Variants in HSDL2 observed in about 807,000 individuals in gnomAD.
The protein encoded by HSDL2 is hydroxysteroid dehydrogenase-like protein 2.
Under a neutral mutation model 46.3 loss-of-function variants are expected in HSDL2, and 27 were observed. The ratio of observed to expected loss-of-function variants is 0.58; its 90% confidence interval spans 0.43 to 0.80. The LOEUF is 0.80. Ranked by LOEUF, HSDL2 falls within the 30% of genes least tolerant of loss-of-function variation. The pLI is 0.00. For synonymous variants in HSDL2, 153 were observed against 163.6 expected (o/e 0.94, Z 0.50); for missense variants, 451 against 502.7 (o/e 0.90, Z 0.98).
At chr9:112,404,386 G>A (rs77934522) in intron 2 of HSDL2, among the ~76,000 whole-genome samples, 79 of 152,116 alleles carry the variant, frequency 5.2e-4, no homozygotes, top group Non-Finnish European at 7.2e-4. Context: ...ATTTCATGGC[G>A]GGGCGTGGTG....
In HSDL2 at chr9:112,471,630, C is replaced by G. The variant is rs1833577487; in HGVS notation, c.*1086C>G. 1 of 152,220 alleles carries G rather than the reference C, an allele frequency of 6.6e-6. No individual in the cohort carries two copies. The allele number at this position is 152,220 out of a possible 1,614,324, so 9.4% of individuals were successfully genotyped here. On this transcript the variant is annotated 3_prime_UTR_variant, in exon 11 of 11. Coordinates refer to ENST00000398805, the MANE Select transcript of HSDL2 (RefSeq NM_032303.5). Reference sequence around the variant, plus strand: ...ATTGCTTGAGGCCAGGAGTTCAAGGCCAGCCTGGACAACATAGTAAGACCC... The same window carrying G: ...ATTGCTTGAGGCCAGGAGTTCAAGGGCAGCCTGGACAACATAGTAAGACCC...
chr9:112,398,362 G>A (rs948617310), intron 1 of HSDL2, among the ~76,000 whole-genome samples: 3 of 151,980 alleles, frequency 2.0e-5, no homozygotes, highest in African/African-American at 7.3e-5. Flanking sequence ...GGCTCCGGAA[G>A]CAAAGGCTGC....
At chr9:112,470,375 A>G in intron 10 of HSDL2, 57 bp from the exon 11 acceptor site, 1 of 1,008,202 alleles carries the variant, frequency 9.9e-7, no homozygotes. Flanking sequence ...TTCTTAAAGC[A>G]ATATATCCCT....
chr9:112,415,481 T>C (rs1251134844), intron 4 of HSDL2, among the ~76,000 whole-genome samples: 1 of 152,124 alleles, frequency 6.6e-6, no homozygotes, highest in East Asian at 1.9e-4. Context: ...TTTCCCAGGG[T>C]CACACAATGA....
At chr9:112,394,333 C>G (rs549016343) in intron 1 of HSDL2, among the ~76,000 whole-genome samples, 1 of 152,250 alleles carries the variant, frequency 6.6e-6, no homozygotes, top group South Asian at 2.1e-4. Context: ...CCCTTATCTT[C>G]TCATTTTAAG....
intron 8 of HSDL2, 51 bp downstream of exon 8, chr9:112,441,821 T>C: frequency 8.5e-7 from 1 of 1,175,690 alleles, no homozygotes; most frequent in Non-Finnish European, 1.3e-6. Context: ...CTAACTTATG[T>C]ATTTCTTCCA....
intron 9 of HSDL2, among the ~76,000 whole-genome samples, chr9:112,456,214 T>C (rs983065153): frequency 6.6e-6 from 1 of 152,210 alleles, no homozygotes; most frequent in East Asian, 1.9e-4. Flanking sequence ...CCAGTGACAA[T>C]AACAAACCAC....
intron 1 of HSDL2, among the ~76,000 whole-genome samples, chr9:112,399,092 T>G (rs1425887325): frequency 6.6e-6 from 1 of 152,090 alleles, no homozygotes; most frequent in Non-Finnish European, 1.5e-5. Flanking sequence ...ATGCCAGATA[T>G]TGGGGGAACC....
Position 112,406,540 on chromosome 9 carries a change from G to A in HSDL2, c.280+818G>A, listed in dbSNP as rs1052190437. On this transcript the variant is annotated intron_variant, in intron 3 of 10. Transcript: ENST00000398805. ...GGCTGGAGTGCAGTGGCGCAATCTCGGCTCACTGCAACCTCTGCCTCCTGG... is the reference window on the plus strand; with the variant it reads ...GGCTGGAGTGCAGTGGCGCAATCTCAGCTCACTGCAACCTCTGCCTCCTGG... 2.0e-5 allele frequency among the ~76,000 whole-genome samples: 3 copies of A among 151,530 alleles called. No individual in the cohort carries two copies. In the East Asian group the frequency reaches 5.8e-4, roughly 29 times the overall value.
chr9:112,447,133 A>G (rs980074320), intron 8 of HSDL2, among the ~76,000 whole-genome samples: 1 of 152,108 alleles, frequency 6.6e-6, no homozygotes, highest in African/African-American at 2.4e-5. Flanking sequence ...GCATTTTTAT[A>G]TTTATTCAGT....
intron 10 of HSDL2, among the ~76,000 whole-genome samples, chr9:112,461,117 C>T (rs1833198424): frequency 6.6e-6 from 1 of 151,128 alleles, no homozygotes; most frequent in Non-Finnish European, 1.5e-5. Flanking sequence ...GCTCTTGTTG[C>T]CCAGGCTGGA....
intron 8 of HSDL2, among the ~76,000 whole-genome samples, chr9:112,444,098 C>CT (rs1333481946): frequency 1.3e-5 from 2 of 152,180 alleles, no homozygotes; most frequent in African/African-American, 4.8e-5. Flanking sequence ...CTGTAGCTCT[C>CT]TTTTTTTGAT....
chr9:112,384,957 A>C (rs1831184923), intron 1 of HSDL2, among the ~76,000 whole-genome samples: 1 of 152,104 alleles, frequency 6.6e-6, no homozygotes, highest in South Asian at 2.1e-4. Context: ...CATAACTAAT[A>C]GTACAAGAGA....
chr9:112,380,567 T>C (rs957250255), intron 1 of HSDL2, among the ~76,000 whole-genome samples: 5 of 152,152 alleles, frequency 3.3e-5, no homozygotes, highest in Non-Finnish European at 7.3e-5. Context: ...TTTCACTTGT[T>C]CCTGACGCTC....
At chr9:112,469,561 G>C (rs1037333151) in intron 10 of HSDL2, among the ~76,000 whole-genome samples, 2 of 151,146 alleles carry the variant, frequency 1.3e-5, no homozygotes, top group Non-Finnish European at 2.9e-5. Context: ...TACTCAGGAG[G>C]CTGAGGTGGG....
chr9:112,454,165 A>C lies in HSDL2; in HGVS notation c.1015+3A>C. On this transcript the variant is annotated splice_donor_region_variant and intron_variant, in intron 9 of 10. Transcript: ENST00000398805. ...AATCTATCTGTTTGAACTCTCCGGT[A>C]AGGACTGCATCTGGTAATCTGAAGT... 6.2e-7 allele frequency: 1 copy of C among 1,606,964 alleles called. No homozygotes were observed. The highest frequency in any genetic ancestry group is 1.3e-5 in the African/African-American group (1 of 74,668).
intron 1 of HSDL2, among the ~76,000 whole-genome samples, chr9:112,387,223 CTT>C (rs1363217242): frequency 2.8e-4 from 39 of 139,468 alleles, no homozygotes; most frequent in Admixed American, 2.9e-4. Context: ...GGTTTCTTTT[CTT>C]TTTTTTTTTT....
Position 112,408,956 on chromosome 9 carries a change from A to G in HSDL2, c.330A>G (p.Thr110=). The stretch of plus-strand genomic sequence containing the variant: ...CCAGTGCCATTAGTTTGACCAATAC[A>G]TTGGACACACCTACCAAGAGATTGG... ...NNASAISLTN[T]LDTPTKRLDL... The change falls in exon 4 of 11, where the codon ACA becomes ACG. Residue 110 remains threonine (T), a synonymous_variant. Coordinates refer to ENST00000398805, the MANE Select transcript of HSDL2 (RefSeq NM_032303.5). The G allele has an allele frequency of 6.2e-7, 1 of 1,608,264 alleles. No individual in the cohort carries two copies. The highest frequency in any genetic ancestry group is 8.5e-7 in the Non-Finnish European group (1 of 1,176,080).
intron 1 of HSDL2, among the ~76,000 whole-genome samples, chr9:112,395,566 A>C (rs1193469785): frequency 6.6e-6 from 1 of 152,234 alleles, no homozygotes; most frequent in Non-Finnish European, 1.5e-5. Flanking sequence ...CAGGCTCCTG[A>C]TTATTGATAG....
Sources: allele counts gnomAD v4.1 joint callset (sites outside exome capture counted in the v4.1 genomes callset), GRCh38; gene constraint gnomAD v4.1.1; transcripts MANE v1.5; gene names NCBI Gene and HGNC (gene_info 2026-07-23, HGNC 2026-07-21).